TUBGCP5: variants seen among roughly 807,000 people sequenced by gnomAD.
TUBGCP5 encodes the protein gamma-tubulin complex component 5.
TUBGCP5 carries 98 observed loss-of-function variants against 134.7 expected under a neutral mutation model. The ratio of observed to expected loss-of-function variants is 0.73; its 90% CI spans 0.62 to 0.86. The LOEUF is 0.86. Among genes scored for constraint, TUBGCP5 ranks in the 40% least tolerant of loss-of-function variants. The pLI is 0.00. For missense variants in TUBGCP5, 1,150 were observed against 1,244.8 expected (o/e 0.92, Z 1.15); for synonymous variants, 456 against 431.4 (o/e 1.06, Z -0.71).
chr15:23,031,966 G>C lies in TUBGCP5; in HGVS notation c.470C>G (p.Pro157Arg), dbSNP rs371086875. Reference sequence around the variant, plus strand: ...ACCACTTACTGGTGTGTCCATGTACGGACCAATGTCCATTTCTTCATCTTC... The same window carrying C: ...ACCACTTACTGGTGTGTCCATGTACCGACCAATGTCCATTTCTTCATCTTC... ...LMEDEEMDIGPYMDTPNWSEE... is the reference protein window; with the variant it reads ...LMEDEEMDIGRYMDTPNWSEE... The change falls in exon 5 of 23, where the codon CCG becomes CGG. Residue 157 changes from proline (P) to arginine (R), a missense_variant. Around this residue, in one of 2 missense-constraint regions of TUBGCP5, gnomAD observed 453 missense variants for 394.7 expected, o/e 1.15. Coordinates refer to ENST00000615383, the MANE Select transcript of TUBGCP5 (RefSeq NM_052903.6). 1.9e-6 allele frequency: 3 copies of C among 1,611,392 alleles called. No homozygotes were observed. Among genetic ancestry groups the C allele is most frequent in the Non-Finnish European group, 2.5e-6 (3 of 1,178,668 alleles).
intron 8 of TUBGCP5, 129 bp downstream of exon 8, chr15:23,025,987 G>T: frequency 1.5e-6 from 1 of 647,432 alleles, no homozygotes; most frequent in Non-Finnish European, 2.6e-6. Flanking sequence ...AATCTGGTCC[G>T]AACTTCACAC....
chr15:23,028,492 C>G (rs1202397036), intron 6 of TUBGCP5, among the ~76,000 whole-genome samples: 4 of 150,930 alleles, frequency 2.7e-5, no homozygotes, highest in African/African-American at 9.8e-5. Context: ...AATTCAACAT[C>G]AGAAAATCTA....
chr15:22,995,160 C>T (rs1310466143), downstream of TUBGCP5, among the ~76,000 whole-genome samples: 1 of 152,038 alleles, frequency 6.6e-6, no homozygotes. Context: ...AGGAGAATCA[C>T]TTGAACCTGG....
chr15:23,031,803 A>C lies in TUBGCP5; in HGVS notation c.486+147T>G, dbSNP rs548386786. ...CACTAATGATTTGGTGCGAAATCCT[A>C]ATCAGTCTTCCATAATAAATGACTC... On this transcript the variant is annotated intron_variant, in intron 5 of 22. Coordinates refer to ENST00000615383, the MANE Select transcript of TUBGCP5 (RefSeq NM_052903.6). 4 of 502,444 alleles carry C rather than the reference A, an allele frequency of 8.0e-6. 1 individual carries two copies. The Admixed American group carries it at 1.1e-4, about 14-fold the overall frequency. 31.1% of individuals were successfully genotyped at this position (502,444 alleles called of 1,614,324 possible).
chr15:23,015,368 G>A (rs1357622280), intron 13 of TUBGCP5, among the ~76,000 whole-genome samples: 1 of 150,668 alleles, frequency 6.6e-6, no homozygotes, highest in Non-Finnish European at 1.5e-5. Context: ...TTGGCTGGGC[G>A]TGATGGCTCA....
intron 16 of TUBGCP5, among the ~76,000 whole-genome samples, chr15:23,008,211 G>A (rs1207759032): frequency 1.3e-5 from 2 of 152,002 alleles, no homozygotes; most frequent in Non-Finnish European, 2.9e-5. Context: ...CCATATGGTG[G>A]CATCTCAACG....
intron 6 of TUBGCP5, among the ~76,000 whole-genome samples, chr15:23,028,628 A>C (rs1165438092): frequency 6.6e-6 from 1 of 152,126 alleles, no homozygotes; most frequent in Non-Finnish European, 1.5e-5. Flanking sequence ...TAATAGAAGG[A>C]AATTGTCTTA....
chr15:23,006,126 A>C lies in TUBGCP5; in HGVS notation c.2459T>G (p.Ile820Ser). ...TAAGAGAAGAAACACTTGATTATAA[A>C]TTTTTTGACATTCCAAACTTATAAC... Reference protein sequence around the residue: ...DIVISLECQKIYNQVFLLLLQ... With the variant: ...DIVISLECQKSYNQVFLLLLQ... Residue 820 changes from isoleucine (I) to serine (S), a missense_variant, in exon 18 of 23, where the codon ATT (isoleucine) becomes AGT (serine). Transcript: ENST00000615383. 3 of 1,612,512 alleles carry C rather than the reference A, an allele frequency of 1.9e-6. No homozygotes were observed. The highest frequency in any genetic ancestry group is 2.5e-6 in the Non-Finnish European group (3 of 1,179,662).
At chr15:23,001,596 GC>G (rs1368491994) in intron 21 of TUBGCP5, among the ~76,000 whole-genome samples, 1 of 151,914 alleles carries the variant, frequency 6.6e-6, no homozygotes, top group African/African-American at 2.4e-5. Context: ...GCCCACCTCA[GC>G]CTCTCAAAGC....
chr15:23,016,291 G>C (rs1402235608), intron 13 of TUBGCP5, among the ~76,000 whole-genome samples: 1 of 152,114 alleles, frequency 6.6e-6, no homozygotes, highest in African/African-American at 2.4e-5. Context: ...TCAGGAGTTC[G>C]AGATCAGCCT....
At chr15:23,011,358 G>T in intron 13 of TUBGCP5, 27 bp from the exon 14 acceptor site, 1 of 1,560,418 alleles carries the variant, frequency 6.4e-7, no homozygotes, top group Non-Finnish European at 8.8e-7. Flanking sequence ...TATGTAAGGT[G>T]AACTAAGTTC....
In TUBGCP5 at chr15:23,023,959, T is replaced by G; in HGVS notation, c.1156A>C (p.Ile386Leu). ...GAACATTTAATACCATTATTGATGA[T>G]GCACTTCTCAATTTCTGCAAGTTCC... ...KEELAEIEKC[I>L]INNDTTITLA... Residue 386 changes from isoleucine (I) to leucine (L), a missense_variant, in exon 10 of 23, where the codon ATC becomes CTC. Around this residue, in one of 2 missense-constraint regions of TUBGCP5, gnomAD observed 697 missense variants for 850.1 expected, o/e 0.82. Coordinates refer to ENST00000615383, the MANE Select transcript of TUBGCP5 (RefSeq NM_052903.6). 6.2e-7 allele frequency: 1 copy of G among 1,613,960 alleles called. No individual in the cohort carries two copies. The highest frequency in any genetic ancestry group is 1.1e-5 in the South Asian group (1 of 91,064).
chr15:23,020,906 CTT>C lies in TUBGCP5; in HGVS notation c.1371+1051_1371+1052del, dbSNP rs1175894244. ...GGCATGTGCCTCCAGAGCTGGCTAC[CTT>C]TTTTGAGACAGAGTCTTGCTCTGTT... On this transcript the variant is annotated intron_variant, in intron 11 of 22. Transcript: ENST00000615383. Among the ~76,000 whole-genome samples the C allele has an allele frequency of 8.6e-5, 13 of 151,902 alleles. No homozygotes were observed. In the South Asian group the frequency reaches 2.3e-3, roughly 27 times the overall value.
chr15:23,018,565 A>G (rs2065477741), intron 12 of TUBGCP5, among the ~76,000 whole-genome samples: 1 of 152,216 alleles, frequency 6.6e-6, no homozygotes, highest in African/African-American at 2.4e-5. Context: ...TTGCATACAT[A>G]TTGCTACCCT....
chr15:22,999,850 C>T lies in TUBGCP5; in HGVS notation c.3045G>A (p.Leu1015=). 1 of 1,613,874 alleles carries T rather than the reference C, an allele frequency of 6.2e-7. No homozygotes were observed. Among genetic ancestry groups the T allele is most frequent in the Non-Finnish European group, 8.5e-7 (1 of 1,179,876 alleles). ...GSFPHLESLA[L]SLMAGMEQS ...TTTGTTCCATGCCAGCCATGAGTGA[C>T]AACGCTAGAGATTCCACTGTGGGAA... is the stretch of plus-strand genomic sequence containing the variant. The change falls in exon 23 of 23, where the codon TTG becomes TTA. Residue 1015 remains leucine, a synonymous_variant. Transcript: ENST00000615383.
intron 23 of TUBGCP5, among the ~76,000 whole-genome samples, chr15:22,987,060 C>T (rs1251287723): frequency 1.3e-5 from 2 of 151,656 alleles, no homozygotes; most frequent in Non-Finnish European, 1.5e-5. Flanking sequence ...TGGCTGGGGG[C>T]GGTGGCTCAC....
At chr15:23,025,768 T>C (rs1028071919) in intron 8 of TUBGCP5, among the ~76,000 whole-genome samples, 1 of 151,386 alleles carries the variant, frequency 6.6e-6, no homozygotes, top group Admixed American at 6.6e-5. Flanking sequence ...GAGGTGAAGC[T>C]TGCAGTGAGC....
intron 15 of TUBGCP5, among the ~76,000 whole-genome samples, chr15:23,009,417 C>T (rs1385610751): frequency 2.6e-5 from 4 of 151,864 alleles, no homozygotes; most frequent in African/African-American, 7.3e-5. Context: ...TACAGGCGCC[C>T]GGCACCACGC....
Position 23,039,565 on chromosome 15 carries a change from C to T in TUBGCP5, c.-22G>A. Reference sequence around the variant, plus strand: ...CCATGTTCCGCGCTCCTGCAGCGCGCGTCTAACGAATTGGTGCCTGTCGCG... The same window carrying T: ...CCATGTTCCGCGCTCCTGCAGCGCGTGTCTAACGAATTGGTGCCTGTCGCG... On this transcript the variant is annotated 5_prime_UTR_variant, in exon 1 of 23. Coordinates refer to ENST00000615383, the MANE Select transcript of TUBGCP5 (RefSeq NM_052903.6). The T allele has an allele frequency of 2.2e-6, 3 of 1,378,154 alleles. No individual in the cohort carries two copies. The highest frequency in any genetic ancestry group is 3.0e-5 in the African/African-American group (2 of 66,942). The allele number at this position is 1,378,154 out of a possible 1,614,324, so 85.4% of individuals were successfully genotyped here. A position where few individuals can be genotyped will look rare whatever the true frequency, so the allele number is the denominator to read the frequency against.
Sources: allele counts gnomAD v4.1 joint callset (sites outside exome capture counted in the v4.1 genomes callset), GRCh38; gene constraint gnomAD v4.1.1; regional missense constraint gnomAD v4.1.1; transcripts MANE v1.5; gene names NCBI Gene and HGNC (gene_info 2026-07-23, HGNC 2026-07-21).